The following FBXO5 variants were observed in gnomAD, a reference collection of about 807,000 sequenced individuals.
The protein encoded by FBXO5 is F-box only protein 5.
A neutral mutation model predicts 43.3 loss-of-function variants in FBXO5; 8 were observed. That is an observed-to-expected ratio of 0.18 (90% CI 0.11 to 0.33). The LOEUF is 0.33. FBXO5 is among the 10% of genes least tolerant of loss of function. The probability of loss-of-function intolerance (pLI) is 1.00; values close to 1 mark genes in which losing one functional copy is unlikely to be tolerated. For missense variants in FBXO5, 491 were observed against 535.7 expected (o/e 0.92, Z 0.82); for synonymous variants, 204 against 193.7 (o/e 1.05, Z -0.44).
At chr6:152,971,919 T>G (rs1584077176) in intron 4 of FBXO5, among the ~76,000 whole-genome samples, 1 of 152,254 alleles carries the variant, frequency 6.6e-6, no homozygotes, top group Admixed American at 6.5e-5. Context: ...GAAATCTAGG[T>G]TTTTCATTAT....
chr6:152,978,376 T>TGGGGGGG lies in FBXO5; in HGVS notation c.104-2756_104-2755insCCCCCCC, dbSNP rs1234180495. On this transcript the variant is annotated intron_variant, in intron 1 of 4. Transcript: ENST00000229758. ...CATTAATCATGGAGAGCTTCATTTTTTGGGGGGGGGGGGGGGGCGGGGGAC... is the reference window on the plus strand; with the variant it reads ...CATTAATCATGGAGAGCTTCATTTTTGGGGGGGTGGGGGGGGGGGGGGGGCGGGGGAC... Among the ~76,000 whole-genome samples the TGGGGGGG allele has an allele frequency of 1.4e-3, 8 of 5,710 alleles. 3 individuals are homozygous for TGGGGGGG. Among genetic ancestry groups the TGGGGGGG allele is most frequent in the Non-Finnish European group, 2.5e-3 (7 of 2,768 alleles). The allele number at this position is 5,710 out of a possible 152,430, so 3.7% of individuals were successfully genotyped here. A position where few individuals can be genotyped will look rare whatever the true frequency, so the allele number is the denominator to read the frequency against.
intron 1 of FBXO5, among the ~76,000 whole-genome samples, chr6:152,981,678 A>G (rs1172255812): frequency 6.6e-6 from 1 of 151,660 alleles, no homozygotes; most frequent in Non-Finnish European, 1.5e-5. Context: ...AAAAACCCTC[A>G]TAAGGCCATC....
At chr6:152,983,567 C>T (rs567917131), upstream of FBXO5, 248 of 152,500 alleles carry the variant, frequency 1.6e-3, 5 homozygotes, top group Admixed American at 9.1e-4. Context: ...TAGCCCGCCT[C>T]TCTAGGATTT....
chr6:152,971,419 A>T lies in FBXO5; in HGVS notation c.1093-5T>A. 6.3e-7 allele frequency: 1 copy of T among 1,575,942 alleles called. No homozygotes were observed. The highest frequency in any genetic ancestry group is 1.2e-5 in the South Asian group (1 of 84,724). On this transcript the variant is annotated splice_polypyrimidine_tract_variant and splice_region_variant and intron_variant, in intron 4 of 4. Coordinates refer to ENST00000229758, the MANE Select transcript of FBXO5 (RefSeq NM_012177.5). ...CTTTTTCAATGTCTTGGCAACCTAA[A>T]AAGAAAAAAAAAACCCATTAACAAA...
At chr6:152,974,171 G>A (rs756790698) in intron 2 of FBXO5, among the ~76,000 whole-genome samples, 14 of 151,280 alleles carry the variant, frequency 9.3e-5, no homozygotes, top group Non-Finnish European at 1.6e-4. Context: ...GCACCATTGC[G>A]CTCCAGCCTG....
At position 152,982,901 on chromosome 6, in the gene FBXO5, C is replaced by A; in HGVS notation, c.59G>T (p.Ser20Ile). 1 of 1,502,800 alleles carries A rather than the reference C, an allele frequency of 6.7e-7. No individual in the cohort carries two copies. The allele number at this position is 1,502,800 out of a possible 1,614,324, so 93.1% of individuals were successfully genotyped here. A position where few individuals can be genotyped will look rare whatever the true frequency, so the allele number is the denominator to read the frequency against. Reference protein sequence around the residue: ...LRPPRCSCSASPSAVTAAGRP... With the variant: ...LRPPRCSCSAIPSAVTAAGRP... ...CCCGGCGGCTGTCACTGCGCTGGGG[C>A]TGGCGCTGCAGGAGCAGCGGGGTGG... The change falls in exon 1 of 5, where the codon AGC (serine) becomes ATC (isoleucine). Residue 20 changes from serine to isoleucine, a missense_variant. By Grantham distance (142) the Ser-to-Ile change is moderately radical (BLOSUM62 -2). Coordinates refer to ENST00000229758, the MANE Select transcript of FBXO5 (RefSeq NM_012177.5).
intron 2 of FBXO5, chr6:152,973,655 A>T (rs1441763721): frequency 6.5e-6 from 1 of 152,816 alleles, no homozygotes. Context: ...AGGTCAAGAT[A>T]TCGAGATACC....
At chr6:152,978,608 C>G (rs897074804) in intron 1 of FBXO5, among the ~76,000 whole-genome samples, 1 of 152,108 alleles carries the variant, frequency 6.6e-6, no homozygotes, top group Non-Finnish European at 1.5e-5. Context: ...AGAATCTGTA[C>G]TCTTCCTCAC....
At chr6:152,980,140 T>C (rs995696990) in intron 1 of FBXO5, among the ~76,000 whole-genome samples, 41 of 152,358 alleles carry the variant, frequency 2.7e-4, no homozygotes, top group African/African-American at 9.1e-4. Context: ...TTGGGAAATA[T>C]GTGAAGTATT....
intron 4 of FBXO5, among the ~76,000 whole-genome samples, chr6:152,971,664 T>C (rs536278965): frequency 6.6e-5 from 10 of 152,330 alleles, no homozygotes; most frequent in Admixed American, 1.3e-4. Context: ...AATAGTTTTA[T>C]TATGTAGGAT....
Position 152,972,336 on chromosome 6 carries a change from G to A in FBXO5, c.1028C>T (p.Thr343Ile), listed in dbSNP as rs772668964. 33 of 1,613,044 alleles carry A rather than the reference G, an allele frequency of 2.0e-5. No individual in the cohort carries two copies. In the Admixed American group the frequency reaches 5.3e-4, roughly 26 times the overall value. ...CTGATCACCTTGATTGGATAACTTG[G>A]TTTGAGCATCTTTTTTGAGAGAAGT... ...AQTSLKKDAQ[T>I]KLSNQGDQKG... Residue 343 changes from threonine (T) to isoleucine (I), a missense_variant, in exon 4 of 5, where the codon ACC becomes ATC. Coordinates refer to ENST00000229758, the MANE Select transcript of FBXO5 (RefSeq NM_012177.5).
Position 152,975,426 on chromosome 6 carries a change from A to G in FBXO5, c.299T>C (p.Ile100Thr). ...YERLSCIGSP[I>T]VSPRIVQLET... is the part of the protein sequence containing the mutation. ...AAGTTGTACAATCCTAGGGCTCACA[A>G]TCGGTGACCCAATACATGACAGCCT... Residue 100 changes from isoleucine to threonine, a missense_variant, in exon 2 of 5, where the codon ATT becomes ACT. Transcript: ENST00000229758. 6.2e-7 allele frequency: 1 copy of G among 1,613,966 alleles called. No individual in the cohort carries two copies.
rs577471715 is a variant in FBXO5 at position 152,978,619 on chromosome 6, G to T, written c.104-2998C>A. Among the ~76,000 whole-genome samples the T allele has an allele frequency of 1.4e-4, 22 of 151,942 alleles. No homozygotes were observed. The South Asian group carries it at 2.5e-3, about 17-fold the overall frequency. On this transcript the variant is annotated intron_variant, in intron 1 of 4. Transcript: ENST00000229758. Reference sequence around the variant, plus strand: ...CATTAGAATCTGTACTCTTCCTCACGAAATTAGCACTTAAGGAGTTAAAAT... The same window carrying T: ...CATTAGAATCTGTACTCTTCCTCACTAAATTAGCACTTAAGGAGTTAAAAT...
At chr6:152,979,504 T>C (rs1486843692) in intron 1 of FBXO5, among the ~76,000 whole-genome samples, 2 of 152,232 alleles carry the variant, frequency 1.3e-5, no homozygotes, top group Non-Finnish European at 2.9e-5. Context: ...AATGTAAAGT[T>C]ACTCCTTTTT....
At chr6:152,971,633 C>A (rs1421625659) in intron 4 of FBXO5, among the ~76,000 whole-genome samples, 4 of 152,026 alleles carry the variant, frequency 2.6e-5, no homozygotes, top group Non-Finnish European at 5.9e-5. Context: ...TTGCATTAGT[C>A]ATTATGGCAT....
Position 152,975,512 on chromosome 6 carries a change from T to A in FBXO5, c.213A>T (p.Leu71=), listed in dbSNP as rs1208982254. The change falls in exon 2 of 5, where the codon CTA becomes CTT. Residue 71 remains leucine (L), a synonymous_variant. Transcript: ENST00000229758. ...CCAAATATGCAGGGGTGTAGGAAAC[T>A]AGTCTTCCAATGTCATCAGGTTTTA... The part of the protein sequence containing the change: ...KLVKPDDIGR[L]VSYTPAYLEG... 6.2e-7 allele frequency: 1 copy of A among 1,613,928 alleles called. No individual in the cohort carries two copies.
intron 1 of FBXO5, among the ~76,000 whole-genome samples, chr6:152,979,165 A>C (rs1268312842): frequency 1.3e-5 from 2 of 152,220 alleles, no homozygotes; most frequent in Non-Finnish European, 2.9e-5. Context: ...TTGTTGCATT[A>C]TTAACTAAAA....
chr6:152,982,119 G>C (rs1778269177), intron 1 of FBXO5, among the ~76,000 whole-genome samples: 1 of 152,158 alleles, frequency 6.6e-6, no homozygotes, highest in Non-Finnish European at 1.5e-5. Flanking sequence ...TGGGTTAACG[G>C]GCAAAGGGAG....
rs1448070495 is a variant in FBXO5 at position 152,973,253 on chromosome 6, A to C, written c.819-117T>G. 6 of 775,826 alleles carry C rather than the reference A, an allele frequency of 7.7e-6. No individual in the cohort carries two copies. In the Admixed American group the frequency reaches 9.2e-5, roughly 12 times the overall value. 48.1% of individuals were successfully genotyped at this position (775,826 alleles called of 1,614,324 possible). A position where few individuals can be genotyped will look rare whatever the true frequency, so the allele number is the denominator to read the frequency against. On this transcript the variant is annotated intron_variant, in intron 2 of 4. Coordinates refer to ENST00000229758, the MANE Select transcript of FBXO5 (RefSeq NM_012177.5). Reference sequence around the variant, plus strand: ...TATTTTATATTATTAGTGCTTCTCAAACCTGACCACATTACAATTGCCTGG... The same window carrying C: ...TATTTTATATTATTAGTGCTTCTCACACCTGACCACATTACAATTGCCTGG...
Sources: gnomAD v4.1 joint callset for allele counts (sites outside exome capture counted in the v4.1 genomes callset) on GRCh38, gnomAD v4.1.1 for gene constraint, MANE v1.5 for transcripts, NCBI Gene and HGNC (gene_info 2026-07-23, HGNC 2026-07-21) for gene names.